The following COL1A2 variants were observed in gnomAD, a reference collection of about 807,000 sequenced individuals.
COL1A2 encodes collagen type I alpha 2 chain.
In COL1A2, 49 loss-of-function variants were observed where a neutral mutation model predicts 174.3. The ratio of observed to expected loss-of-function variants is 0.28; its 90% CI spans 0.22 to 0.36. COL1A2 has a LOEUF of 0.36. Among genes scored for constraint, COL1A2 ranks in the 10% least tolerant of loss-of-function variants. The pLI is 1.00. For missense variants in COL1A2, 1,438 were observed against 1,822.7 expected (o/e 0.79, Z 3.84); for synonymous variants, 655 against 606.6 (o/e 1.08, Z -1.17).
intron 23 of COL1A2, among the ~76,000 whole-genome samples, chr7:94,411,496 A>G (rs1322911682): frequency 2.0e-5 from 3 of 152,208 alleles, no homozygotes; most frequent in Non-Finnish European, 4.4e-5. Flanking sequence ...TTAGGACTAT[A>G]CATTTTTGGT....
rs765118884 is a variant in COL1A2, at chr7:94,397,766, A to C, written c.81+8A>C. On this transcript the variant is annotated splice_region_variant and intron_variant, in intron 2 of 51. Transcript: ENST00000297268. Reference sequence around the variant, plus strand: ...TCTACAGCTTTACAAGAGGTGAGTAAAACTTTTTTTAGAATTTTTAAAAAT... The same window carrying C: ...TCTACAGCTTTACAAGAGGTGAGTACAACTTTTTTTAGAATTTTTAAAAAT... 6 of 1,317,318 alleles carry C rather than the reference A, an allele frequency of 4.6e-6. No individual in the cohort carries two copies. Among genetic ancestry groups the C allele is most frequent in the African/African-American group, 4.4e-5 (3 of 68,342 alleles). 81.6% of individuals were successfully genotyped at this position (1,317,318 alleles called of 1,614,324 possible). A position where few individuals can be genotyped will look rare whatever the true frequency, so the allele number is the denominator to read the frequency against.
chr7:94,421,886 G>C lies in COL1A2; in HGVS notation c.2350-13G>C. 3 of 1,607,472 alleles carry C rather than the reference G, an allele frequency of 1.9e-6. No individual in the cohort carries two copies. The highest frequency in any genetic ancestry group is 2.6e-6 in the Non-Finnish European group (3 of 1,176,076). On this transcript the variant is annotated splice_polypyrimidine_tract_variant and intron_variant, in intron 38 of 51. Transcript: ENST00000297268. The stretch of plus-strand genomic sequence containing the variant: ...GATGTTGACTGTGGAATTCTAATGT[G>C]CTTGGCTCTTAGGGTATGACTGGTT...
intron 1 of COL1A2, chr7:94,395,467 C>T (rs1398094948): frequency 5.6e-6 from 2 of 357,228 alleles, no homozygotes; most frequent in Non-Finnish European, 5.4e-6. Flanking sequence ...GCCCCATAAC[C>T]GCACTGATGT....
intron 4 of COL1A2, 118 bp from the exon 5 acceptor site, chr7:94,400,078 A>G (rs762665110): frequency 2.1e-5 from 19 of 904,482 alleles, no homozygotes; most frequent in Non-Finnish European, 3.5e-5. Context: ...AATATAGTAT[A>G]TTAAATTTCC....
chr7:94,422,899 C>A, intron 39 of COL1A2, 58 bp from the exon 40 acceptor site: 10 of 1,599,036 alleles, frequency 6.3e-6, no homozygotes, highest in Non-Finnish European at 8.6e-6. Flanking sequence ...CTTTGCTGCT[C>A]TCTTCCAGGC....
chr7:94,426,614 G>A (rs1323873113), intron 46 of COL1A2, 84 bp downstream of exon 46: 1 of 1,028,432 alleles, frequency 9.7e-7, no homozygotes, highest in Non-Finnish European at 1.5e-6. Context: ...CACTGCTATT[G>A]TTCCAGTATA....
chr7:94,424,234 C>T (rs1792227741), intron 40 of COL1A2, 102 bp from the exon 41 acceptor site: 3 of 987,018 alleles, frequency 3.0e-6, no homozygotes, highest in South Asian at 2.6e-5. Context: ...GGTCATTAGC[C>T]TTTTTCTAAG....
In COL1A2 at chr7:94,408,505, T is replaced by C. The variant is rs1221335960; in HGVS notation, c.738+125T>C. The C allele has an allele frequency of 2.4e-6, 3 of 1,251,612 alleles. No individual in the cohort carries two copies. In the East Asian group the frequency reaches 7.0e-5, roughly 29 times the overall value. 77.5% of individuals were successfully genotyped at this position (1,251,612 alleles called of 1,614,324 possible). ...TTACCAAATGTTCTGTGAGGTCTTT[T>C]GAAGGCTCCATTTATAAGTAGTGTA... On this transcript the variant is annotated intron_variant, in intron 15 of 51. Transcript: ENST00000297268.
Position 94,425,607 on chromosome 7 carries a change from C to T in COL1A2, c.2782-3C>T. The T allele has an allele frequency of 6.2e-7, 1 of 1,614,024 alleles. No individual in the cohort carries two copies. The highest frequency in any genetic ancestry group is 1.1e-5 in the South Asian group (1 of 91,082). ...AGCCTTAATTTGTGTGGTGTCTTCA[C>T]AGGGCAACCCTGGGAACGATGGTCC... On this transcript the variant is annotated splice_region_variant and splice_polypyrimidine_tract_variant and intron_variant, in intron 42 of 51. Transcript: ENST00000297268.
chr7:94,409,959 A>G (rs1031825823), intron 19 of COL1A2, 138 bp downstream of exon 19: 112 of 884,644 alleles, frequency 1.3e-4, no homozygotes, highest in Admixed American at 1.8e-4. Context: ...TATTTCTTAT[A>G]TATATATGTA....
At chr7:94,407,523 A>C (rs1255056338) in intron 12 of COL1A2, among the ~76,000 whole-genome samples, 1 of 152,214 alleles carries the variant, frequency 6.6e-6, no homozygotes, top group Non-Finnish European at 1.5e-5. Flanking sequence ...ATTGAAAGCA[A>C]ATTTATCCTT....
intron 20 of COL1A2, 44 bp from the exon 21 acceptor site, chr7:94,410,376 A>G: frequency 6.3e-7 from 1 of 1,576,452 alleles, no homozygotes; most frequent in Non-Finnish European, 8.6e-7. Flanking sequence ...TAGTATTAAA[A>G]TTATTTTTTT....
chr7:94,408,226 C>T lies in COL1A2; in HGVS notation c.683C>T (p.Pro228Leu). The part of the protein sequence containing the change: ...LPGERGRVGA[P>L]GPAGARGSDG... The stretch of plus-strand genomic sequence containing the variant: ...GGTGAGAGAGGACGTGTTGGTGCCC[C>T]TGGCCCAGCTGTAAGTGCTTCCATT... The change falls in exon 14 of 52, where the codon CCT becomes CTT. Residue 228 changes from proline (P) to leucine (L), a missense_variant. Coordinates refer to ENST00000297268, the MANE Select transcript of COL1A2 (RefSeq NM_000089.4). The T allele has an allele frequency of 6.2e-7, 1 of 1,614,206 alleles. No homozygotes were observed. Among genetic ancestry groups the T allele is most frequent in the South Asian group, 1.1e-5 (1 of 91,080 alleles).
At position 94,425,982 on chromosome 7, in the gene COL1A2, C is replaced by G. The variant is rs373903050; in HGVS notation, c.2944-16C>G. 1.2e-6 allele frequency: 2 copies of G among 1,613,856 alleles called. No individual in the cohort carries two copies. The highest frequency in any genetic ancestry group is 2.7e-5 in the African/African-American group (2 of 74,854). On this transcript the variant is annotated splice_polypyrimidine_tract_variant and intron_variant, in intron 44 of 51. Transcript: ENST00000297268. ...TTGGGCCTAGCTAAGTTGTGTTTTT[C>G]TTTTTCATTTCACAGGGTCCTTCTG... is the stretch of plus-strand genomic sequence containing the variant.
Position 94,420,715 on chromosome 7 carries a change from C to T in COL1A2, c.2295+67C>T, listed in dbSNP as rs532921195. The stretch of plus-strand genomic sequence containing the variant: ...TAGATCTTCCAATTAAATATATATC[C>T]GTCAAGTGCCTGCTATGCAACAGGG... On this transcript the variant is annotated intron_variant, in intron 37 of 51. Transcript: ENST00000297268. 3,718 of 1,358,676 alleles carry T rather than the reference C, an allele frequency of 2.7e-3. 8 individuals are homozygous for T. The highest frequency in any genetic ancestry group is 3.7e-3 in the Non-Finnish European group (3,547 of 971,596). The allele number at this position is 1,358,676 out of a possible 1,614,324, so 84.2% of individuals were successfully genotyped here.
At position 94,397,769 on chromosome 7, in the gene COL1A2, C is replaced by T; in HGVS notation, c.81+11C>T. The T allele has an allele frequency of 2.3e-6, 3 of 1,283,446 alleles. No homozygotes were observed. Among genetic ancestry groups the T allele is most frequent in the Non-Finnish European group, 3.3e-6 (3 of 899,070 alleles). The allele number at this position is 1,283,446 out of a possible 1,614,324, so 79.5% of individuals were successfully genotyped here. ...ACAGCTTTACAAGAGGTGAGTAAAA[C>T]TTTTTTTAGAATTTTTAAAAATACT... On this transcript the variant is annotated intron_variant, in intron 2 of 51. Transcript: ENST00000297268.
rs1174985121 is a variant in COL1A2, at chr7:94,413,240, A to G, written c.1557+104A>G. On this transcript the variant is annotated intron_variant, in intron 26 of 51. Coordinates refer to ENST00000297268, the MANE Select transcript of COL1A2 (RefSeq NM_000089.4). Reference sequence around the variant, plus strand: ...ATCATTTTGTCACTTTCTTTTCAAGATGGCATCCCCAGGGGTCCTTTTACT... The same window carrying G: ...ATCATTTTGTCACTTTCTTTTCAAGGTGGCATCCCCAGGGGTCCTTTTACT... The G allele has an allele frequency of 1.1e-5, 13 of 1,200,480 alleles. No individual in the cohort carries two copies. In the African/African-American group the frequency reaches 1.2e-4, roughly 11 times the overall value. 74.4% of individuals were successfully genotyped at this position (1,200,480 alleles called of 1,614,324 possible).
chr7:94,415,172 G>A, intron 29 of COL1A2, 54 bp from the exon 30 acceptor site: 1 of 1,526,568 alleles, frequency 6.6e-7, no homozygotes. Flanking sequence ...TTAATCATAA[G>A]TGAATTTAGA....
At position 94,406,313 on chromosome 7, in the gene COL1A2, A is replaced by G. The variant is rs759439514; in HGVS notation, c.594+10A>G. The G allele has an allele frequency of 1.9e-6, 3 of 1,613,622 alleles. No individual in the cohort carries two copies. The highest frequency in any genetic ancestry group is 2.5e-6 in the Non-Finnish European group (3 of 1,179,552). Reference sequence around the variant, plus strand: ...TGCTCCTGGTGTGAAGGTAAATATTAAATTAGAAGCACTGTTTTTAAGCAC... The same window carrying G: ...TGCTCCTGGTGTGAAGGTAAATATTGAATTAGAAGCACTGTTTTTAAGCAC... On this transcript the variant is annotated intron_variant, in intron 12 of 51. Coordinates refer to ENST00000297268, the MANE Select transcript of COL1A2 (RefSeq NM_000089.4).
Sources: allele counts gnomAD v4.1 joint callset (sites outside exome capture counted in the v4.1 genomes callset), GRCh38; gene constraint gnomAD v4.1.1; transcripts MANE v1.5; gene names NCBI Gene and HGNC (gene_info 2026-07-23, HGNC 2026-07-21).